Variants in EDAR observed in about 807,000 individuals in gnomAD.
EDAR encodes the protein ectodysplasin A receptor.
Under a neutral mutation model 51.3 loss-of-function variants are expected in EDAR, and 38 were observed. That is an observed-to-expected ratio of 0.74 (90% CI 0.57 to 0.97). The LOEUF is 0.97. Among genes scored for constraint, EDAR ranks in the 50% least tolerant of loss-of-function variants. The pLI is 0.00. For synonymous variants in EDAR, 227 were observed against 242.1 expected, an observed-to-expected ratio of 0.94 and a Z score of 0.58; for missense variants, 528 against 595.0, an observed-to-expected ratio of 0.89 and a Z score of 1.17.
intron 1 of EDAR, among the ~76,000 whole-genome samples, chr2:108,942,261 C>G (rs965429500): frequency 6.6e-6 from 1 of 152,238 alleles, no homozygotes; most frequent in African/African-American, 2.4e-5. Context: ...GAGCGACTTG[C>G]TAAGGTCACA....
At chr2:108,924,082 C>T (rs149065208) in intron 4 of EDAR, among the ~76,000 whole-genome samples, 1 of 152,364 alleles carries the variant, frequency 6.6e-6, no homozygotes, top group African/African-American at 2.4e-5. Flanking sequence ...TGACAGAAGA[C>T]ACCCTTGGAA....
At chr2:108,946,318 C>G (rs1697714520) in intron 1 of EDAR, among the ~76,000 whole-genome samples, 2 of 152,216 alleles carry the variant, frequency 1.3e-5, no homozygotes, top group Non-Finnish European at 2.9e-5. Context: ...CCTGGGACAA[C>G]ACATATCTGA....
intron 1 of EDAR, among the ~76,000 whole-genome samples, chr2:108,962,097 T>TC (rs1164077297): frequency 6.6e-6 from 1 of 152,160 alleles, no homozygotes; most frequent in African/African-American, 2.4e-5. Flanking sequence ...CACAAAGATG[T>TC]CCAAGTGAGA....
chr2:108,928,306 C>A (rs1462030123), intron 4 of EDAR, among the ~76,000 whole-genome samples: 2 of 152,202 alleles, frequency 1.3e-5, no homozygotes, highest in African/African-American at 4.8e-5. Context: ...GGCATCACCT[C>A]CACAAATCTC....
intron 1 of EDAR, among the ~76,000 whole-genome samples, chr2:108,967,321 T>C (rs940526197): frequency 1.3e-5 from 2 of 152,148 alleles, no homozygotes; most frequent in Non-Finnish European, 2.9e-5. Flanking sequence ...ACATGAAGAA[T>C]ATCAAAGGCT....
intron 1 of EDAR, among the ~76,000 whole-genome samples, chr2:108,972,271 T>C (rs1698248532): frequency 6.6e-6 from 1 of 152,254 alleles, no homozygotes; most frequent in Non-Finnish European, 1.5e-5. Flanking sequence ...GAGACCAACT[T>C]CTGTTCCACA....
At chr2:108,920,657 G>A (rs1314863373) in intron 5 of EDAR, among the ~76,000 whole-genome samples, 1 of 152,172 alleles carries the variant, frequency 6.6e-6, no homozygotes. Context: ...TCTGACGCCT[G>A]TCCTCTTTGG....
chr2:108,975,234 GGGAT>G (rs1222013166), intron 1 of EDAR, among the ~76,000 whole-genome samples: 1 of 152,200 alleles, frequency 6.6e-6, no homozygotes, highest in Non-Finnish European at 1.5e-5. Context: ...TCTGAACACA[GGGAT>G]AGCAGCTGCG....
intron 1 of EDAR, among the ~76,000 whole-genome samples, chr2:108,979,081 A>G (rs1698377753): frequency 6.6e-6 from 1 of 152,220 alleles, no homozygotes; most frequent in Non-Finnish European, 1.5e-5. Flanking sequence ...AGTGTTGTGG[A>G]AAACCAGATT....
intron 1 of EDAR, among the ~76,000 whole-genome samples, chr2:108,968,744 C>T (rs919029203): frequency 1.3e-5 from 2 of 152,156 alleles, no homozygotes; most frequent in East Asian, 3.9e-4. Context: ...AAAAAGCCAT[C>T]GAACACTAGG....
intron 1 of EDAR, among the ~76,000 whole-genome samples, chr2:108,935,357 T>A (rs1697446679): frequency 1.3e-5 from 2 of 152,164 alleles, no homozygotes; most frequent in African/African-American, 4.8e-5. Flanking sequence ...AGCATTAGCA[T>A]CAGCTGGGAG....
intron 11 of EDAR, among the ~76,000 whole-genome samples, chr2:108,899,739 A>G (rs953399957): frequency 2.6e-5 from 4 of 152,228 alleles, no homozygotes; most frequent in Admixed American, 1.3e-4. Context: ...TAATCCAAGC[A>G]CTTCGGGAGG....
At chr2:108,979,907 C>T (rs1046905495) in intron 1 of EDAR, among the ~76,000 whole-genome samples, 16 of 152,100 alleles carry the variant, frequency 1.1e-4, no homozygotes, top group Admixed American at 3.3e-4. Context: ...CACTGCTGGG[C>T]GGTGGGAAGC....
chr2:108,932,972 G>A (rs936813773), intron 1 of EDAR, among the ~76,000 whole-genome samples: 9 of 152,190 alleles, frequency 5.9e-5, no homozygotes, highest in Non-Finnish European at 1.3e-4. Context: ...AACAGCACAT[G>A]CCCTCGCTCC....
In EDAR at chr2:108,896,653, G is replaced by A. The variant is rs148961371; in HGVS notation, c.*254C>T. 2,416 of 518,068 alleles carry A rather than the reference G, an allele frequency of 4.7e-3. 8 individuals are homozygous for A. Among genetic ancestry groups the A allele is most frequent in the Non-Finnish European group, 5.6e-3 (1,610 of 288,208 alleles). 32.1% of individuals were successfully genotyped at this position (518,068 alleles called of 1,614,324 possible). On this transcript the variant is annotated 3_prime_UTR_variant, in exon 12 of 12. Transcript: ENST00000258443. ...TTAATGGTGGGCTGGTGGGCTGGCT[G>A]TATGAGTGAGTAGATATTTACTCTG...
intron 4 of EDAR, among the ~76,000 whole-genome samples, chr2:108,926,661 G>C (rs1176806910): frequency 6.6e-6 from 1 of 152,202 alleles, no homozygotes; most frequent in Non-Finnish European, 1.5e-5. Context: ...TTGGTTCCCA[G>C]GTCCTCCCAC....
At chr2:108,928,054 C>T (rs989614980) in intron 4 of EDAR, among the ~76,000 whole-genome samples, 1 of 152,138 alleles carries the variant, frequency 6.6e-6, no homozygotes, top group Non-Finnish European at 1.5e-5. Flanking sequence ...GCGTGTTGAC[C>T]TGCATCAGCT....
intron 1 of EDAR, among the ~76,000 whole-genome samples, chr2:108,954,320 A>G (rs938138067): frequency 6.6e-6 from 1 of 152,154 alleles, no homozygotes; most frequent in Non-Finnish European, 1.5e-5. Flanking sequence ...ATGGGCTGCC[A>G]TTTTCCCATC....
At chr2:108,913,311 T>C (rs1696965915) in intron 5 of EDAR, among the ~76,000 whole-genome samples, 1 of 151,926 alleles carries the variant, frequency 6.6e-6, no homozygotes. Flanking sequence ...ACAGTGTGGG[T>C]TGGGGAGTTT....
Sources: gnomAD v4.1 joint callset for allele counts (sites outside exome capture counted in the v4.1 genomes callset) on GRCh38, gnomAD v4.1.1 for gene constraint, MANE v1.5 for transcripts, NCBI Gene and HGNC (gene_info 2026-07-23, HGNC 2026-07-21) for gene names.